Variants in MUC13 observed in about 807,000 individuals in gnomAD.
MUC13 encodes the protein mucin 13, cell surface associated.
In MUC13, 32 loss-of-function variants were observed where a neutral mutation model predicts 48.3. The ratio of observed to expected loss-of-function variants is 0.66; its 90% CI spans 0.50 to 0.89. The LOEUF is 0.89. MUC13 is among the 40% of genes least tolerant of loss of function. The probability of loss-of-function intolerance (pLI) is 0.00; values close to 1 mark genes in which losing one functional copy is unlikely to be tolerated. For missense variants in MUC13, 571 were observed against 622.8 expected, an observed-to-expected ratio of 0.92 and a Z score of 0.88; for synonymous variants, 199 against 224.9, an observed-to-expected ratio of 0.88 and a Z score of 1.03.
rs757646115 is a variant in MUC13 at position 124,913,597 on chromosome 3, A to T, written c.1049T>A (p.Leu350Gln). 4.5e-5 allele frequency: 72 copies of T among 1,614,252 alleles called. No homozygotes were observed. In the Middle Eastern group the frequency reaches 2.8e-3, roughly 63 times the overall value. The change falls in exon 7 of 12, where the codon CTG becomes CAG. Residue 350 changes from leucine to glutamine, a missense_variant. Transcript: ENST00000616727. ...AGGGCTCTGTGGGTTAGGCCTTTGC[A>T]GGTCAGATTTGCAATCGCATGCTAA... ...NGLACDCKSDLQRPNPQSPFC... is the reference protein window; with the variant it reads ...NGLACDCKSDQQRPNPQSPFC...
At chr3:124,919,742 T>C (rs72976429) in intron 5 of MUC13, among the ~76,000 whole-genome samples, 3,782 of 152,272 alleles carry the variant, frequency 0.025, 146 homozygotes, top group African/African-American at 0.086. Context: ...CATATTGAAG[T>C]GCTCAATAAG....
At chr3:124,927,424 T>A in intron 2 of MUC13, 108 bp downstream of exon 2, 1 of 997,456 alleles carries the variant, frequency 1.0e-6, no homozygotes, top group Non-Finnish European at 1.5e-6. Flanking sequence ...CAAAGAAACC[T>A]TGGGCCTCTT....
intron 6 of MUC13, among the ~76,000 whole-genome samples, chr3:124,914,515 G>T (rs1579363869): frequency 1.3e-5 from 2 of 152,286 alleles, no homozygotes; most frequent in African/African-American, 4.8e-5. Context: ...AACTGTAACT[G>T]AGCCTCCTTC....
At position 124,923,646 on chromosome 3, in the gene MUC13, G is replaced by A. The variant is rs751510558; in HGVS notation, c.518C>T (p.Pro173Leu). 1 of 1,612,610 alleles carries A rather than the reference G, an allele frequency of 6.2e-7. No individual in the cohort carries two copies. Among genetic ancestry groups the A allele is most frequent in the Admixed American group, 1.7e-5 (1 of 59,712 alleles). ...LETSTLNSTG[P>L]SNPCQDDPCA... ...GGGATCATCTTGGCAAGGATTGCTG[G>A]GACCTTAGATGGAGTAGAAAGAGAT... The change falls in exon 3 of 12, where the codon CCC becomes CTC. Residue 173 changes from proline (P) to leucine (L), a missense_variant. By Grantham distance (98) the Pro-to-Leu change is moderately conservative (BLOSUM62 -3). Coordinates refer to ENST00000616727, the MANE Select transcript of MUC13 (RefSeq NM_033049.4).
At chr3:124,909,516 G>GTGTGTGTGTA (rs1935380729) in intron 10 of MUC13, among the ~76,000 whole-genome samples, 2 of 146,246 alleles carry the variant, frequency 1.4e-5, no homozygotes, top group South Asian at 4.3e-4. Flanking sequence ...GTGTGTGTGT[G>GTGTGTGTGTA]TATGTGAGAC....
intron 1 of MUC13, among the ~76,000 whole-genome samples, chr3:124,929,053 T>G (rs1250877839): frequency 6.6e-6 from 1 of 152,232 alleles, no homozygotes; most frequent in Non-Finnish European, 1.5e-5. Context: ...GAATAAGTGA[T>G]CTTTGCCCTC....
At chr3:124,908,861 A>T (rs1935368858) in intron 10 of MUC13, among the ~76,000 whole-genome samples, 1 of 152,180 alleles carries the variant, frequency 6.6e-6, no homozygotes, top group Admixed American at 6.5e-5. Context: ...AAGTTCAAAG[A>T]CTTGAAACGA....
At chr3:124,923,982 T>C (rs979737514) in intron 2 of MUC13, among the ~76,000 whole-genome samples, 5 of 152,168 alleles carry the variant, frequency 3.3e-5, no homozygotes, top group African/African-American at 1.2e-4. Flanking sequence ...CTCCAGAACC[T>C]TGAAGCATGG....
In MUC13 at chr3:124,912,090, A is replaced by T; in HGVS notation, c.1252+14T>A. 6.2e-7 allele frequency: 1 copy of T among 1,611,798 alleles called. No individual in the cohort carries two copies. The highest frequency in any genetic ancestry group is 1.1e-5 in the South Asian group (1 of 90,412). On this transcript the variant is annotated intron_variant, in intron 9 of 11. Coordinates refer to ENST00000616727, the MANE Select transcript of MUC13 (RefSeq NM_033049.4). ...TTAATAACTTGTTTATAATAGCAAG[A>T]CTTTCATACTCACTGTCCTTACAGT...
chr3:124,922,611 T>C (rs77950627), intron 3 of MUC13, among the ~76,000 whole-genome samples: 5 of 123,766 alleles, frequency 4.0e-5, no homozygotes, highest in African/African-American at 1.5e-4. Flanking sequence ...TTTTTTTTTT[T>C]TGAGAGAGAG....
intron 1 of MUC13, among the ~76,000 whole-genome samples, chr3:124,930,210 G>A (rs1344358134): frequency 6.6e-6 from 1 of 152,222 alleles, no homozygotes; most frequent in East Asian, 1.9e-4. Flanking sequence ...ATTATGACAA[G>A]GAGTTTTGGA....
intron 5 of MUC13, among the ~76,000 whole-genome samples, chr3:124,916,707 T>G (rs949209383): frequency 1.3e-5 from 2 of 152,166 alleles, no homozygotes; most frequent in Non-Finnish European, 2.9e-5. Flanking sequence ...GAAAACAATG[T>G]TCTGTTGGAG....
intron 6 of MUC13, among the ~76,000 whole-genome samples, chr3:124,914,416 GA>G (rs1204693125): frequency 0.012 from 1,785 of 145,704 alleles, 32 homozygotes; most frequent in African/African-American, 0.042. Flanking sequence ...GTCTCGGGGA[GA>G]AAAAAAAAAA....
intron 10 of MUC13, among the ~76,000 whole-genome samples, chr3:124,909,790 A>G (rs931070398): frequency 6.6e-6 from 1 of 152,220 alleles, no homozygotes; most frequent in Non-Finnish European, 1.5e-5. Flanking sequence ...TGAAAATTGT[A>G]TTTGACAACT....
intron 1 of MUC13, among the ~76,000 whole-genome samples, chr3:124,933,721 G>A (rs192993493): frequency 2.6e-5 from 4 of 152,282 alleles, no homozygotes; most frequent in Non-Finnish European, 2.9e-5. Context: ...TCAGGAAGTT[G>A]GGTGTTCATG....
chr3:124,909,485 C>CGTGTGTGTGTGTGTGTGT (rs71148156), intron 10 of MUC13, among the ~76,000 whole-genome samples: 1 of 148,342 alleles, frequency 6.7e-6, no homozygotes, highest in Non-Finnish European at 1.5e-5. Flanking sequence ...TGTGTGCTTG[C>CGTGTGTGTGTGTGTGTGT]GTGTGTGTGT....
At chr3:124,914,411 G>T (rs561922379) in intron 6 of MUC13, among the ~76,000 whole-genome samples, 4 of 151,042 alleles carry the variant, frequency 2.6e-5, no homozygotes, top group African/African-American at 9.8e-5. Context: ...AATCCGTCTC[G>T]GGGAGAAAAA....
At chr3:124,913,261 T>TG in intron 7 of MUC13, 21 bp from the exon 8 acceptor site, 1 of 1,595,496 alleles carries the variant, frequency 6.3e-7, no homozygotes, top group Non-Finnish European at 8.6e-7. Flanking sequence ...GAATGATTTC[T>TG]GGGTAATTTT....
intron 1 of MUC13, among the ~76,000 whole-genome samples, 186 bp from the exon 2 acceptor site, chr3:124,928,179 G>A (rs1458888111): frequency 6.7e-6 from 1 of 149,784 alleles, no homozygotes; most frequent in Non-Finnish European, 1.5e-5. Context: ...GCCTCCCAAA[G>A]TGCTGAGATT....
Sources: allele counts gnomAD v4.1 joint callset (sites outside exome capture counted in the v4.1 genomes callset), GRCh38; gene constraint gnomAD v4.1.1; transcripts MANE v1.5; gene names NCBI Gene and HGNC (gene_info 2026-07-23, HGNC 2026-07-21).